GPX4: variants seen among roughly 807,000 people sequenced by gnomAD.
GPX4 encodes the protein phospholipid hydroperoxide glutathione peroxidase GPX4.
A neutral mutation model predicts 27.8 loss-of-function variants in GPX4; 28 were observed. The ratio of observed to expected loss-of-function variants is 1.01; its 90% CI spans 0.75 to 1.38. The LOEUF (loss-of-function observed/expected upper bound fraction) is 1.38. GPX4 is among the 40% of genes most tolerant of loss of function. GPX4 has a pLI of 0.00. For missense variants in GPX4, 357 were observed against 274.1 expected, an observed-to-expected ratio of 1.30 and a Z score of -2.14; for synonymous variants, 163 against 107.8, an observed-to-expected ratio of 1.51 and a Z score of -3.17.
In GPX4 at chr19:1,106,238, C is replaced by G. The variant is rs1158593427; in HGVS notation, c.477-4C>G. ...ACGCTCACGTCCATGTGCTTCTTTT[C>G]CAGTGCCATCAAGTGGAACTTCACC... On this transcript the variant is annotated splice_region_variant and splice_polypyrimidine_tract_variant and intron_variant, in intron 4 of 6. Transcript: ENST00000354171. The G allele has an allele frequency of 6.2e-7, 1 of 1,605,538 alleles. No homozygotes were observed.
intron 1 of GPX4, chr19:1,104,870 A>C (rs2079628980): frequency 4.1e-6 from 5 of 1,232,540 alleles, no homozygotes; most frequent in East Asian, 4.2e-5. Flanking sequence ...CCGGCGGAAG[A>C]AGCCCTGTCC....
chr19:1,104,762 G>A (rs1375701029), intron 1 of GPX4: 2 of 986,594 alleles, frequency 2.0e-6, no homozygotes, highest in Non-Finnish European at 2.4e-6. Flanking sequence ...AGGCTCCCCC[G>A]GGCGCCGCAG....
In GPX4 at chr19:1,104,111, G is replaced by A; in HGVS notation, c.68G>A (p.Gly23Asp). ...CTCTGTGGGGCTCTGGCCGCGCCTG[G>A]CCTGGCCGGGACCATGGTGAGCTAG... ...ALLCGALAAP[G>D]LAGTMCASRD... The change falls in exon 1 of 7, where the codon GGC becomes GAC. Residue 23 changes from glycine (G) to aspartate (D), a missense_variant. Transcript: ENST00000354171. 6.7e-7 allele frequency: 1 copy of A among 1,503,706 alleles called. No individual in the cohort carries two copies. The highest frequency in any genetic ancestry group is 8.8e-7 in the Non-Finnish European group (1 of 1,133,360). 93.1% of individuals were successfully genotyped at this position (1,503,706 alleles called of 1,614,324 possible). A position where few individuals can be genotyped will look rare whatever the true frequency, so the allele number is the denominator to read the frequency against.
At position 1,104,130 on chromosome 19, in the gene GPX4, G is replaced by T; in HGVS notation, c.84+3G>T. On this transcript the variant is annotated splice_donor_region_variant and intron_variant, in intron 1 of 6. Transcript: ENST00000354171. ...CGCCTGGCCTGGCCGGGACCATGGT[G>T]AGCTAGCGCCGCGGCCGTTGCCGGC... The T allele has an allele frequency of 6.8e-7, 1 of 1,461,812 alleles. No homozygotes were observed. The allele number at this position is 1,461,812 out of a possible 1,614,324, so 90.6% of individuals were successfully genotyped here.
At chr19:1,104,206 G>A in intron 1 of GPX4, 79 bp downstream of exon 1, 1 of 1,248,494 alleles carries the variant, frequency 8.0e-7, no homozygotes, top group South Asian at 1.8e-5. Context: ...TCGCCGGCGT[G>A]GGGAACCCTC....
rs1568536436 is a variant in GPX4 at position 1,106,229 on chromosome 19, GCTT to G, written c.477-9_477-7del. The stretch of plus-strand genomic sequence containing the variant: ...CTGCTGGGGACGCTCACGTCCATGT[GCTT>G]CTTTTCCAGTGCCATCAAGTGGAAC... On this transcript the variant is annotated splice_polypyrimidine_tract_variant and intron_variant, in intron 4 of 6. Transcript: ENST00000354171. 1.2e-6 allele frequency: 2 copies of G among 1,603,580 alleles called. No individual in the cohort carries two copies. Among genetic ancestry groups the G allele is most frequent in the Admixed American group, 3.4e-5 (2 of 59,492 alleles).
At chr19:1,106,345 C>A in intron 5 of GPX4, 55 bp from the exon 6 acceptor site, 1 of 1,610,610 alleles carries the variant, frequency 6.2e-7, no homozygotes, top group South Asian at 1.1e-5. Context: ...ACAGGAAGGG[C>A]AGCCTCAGCC....
rs1473540458 is a variant in GPX4 at position 1,106,111 on chromosome 19, G to A, written c.477-131G>A. ...CCTCCTGGGGTAAGATGGCTCTGGG[G>A]GGGCTTGGGGGCACTGTGGCTGTGG... is the stretch of plus-strand genomic sequence containing the variant. On this transcript the variant is annotated intron_variant, in intron 4 of 6. Coordinates refer to ENST00000354171, the MANE Select transcript of GPX4 (RefSeq NM_002085.5). 5.8e-6 allele frequency: 5 copies of A among 866,552 alleles called. 1 individual carries two copies. The highest frequency in any genetic ancestry group is 5.1e-5 in the South Asian group (3 of 59,172). The allele number at this position is 866,552 out of a possible 1,614,324, so 53.7% of individuals were successfully genotyped here.
Position 1,104,104 on chromosome 19 carries a change from G to C in GPX4, c.61G>C (p.Ala21Pro). The change falls in exon 1 of 7, where the codon GCG becomes CCG. Residue 21 changes from alanine to proline, a missense_variant. Transcript: ENST00000354171. Reference sequence around the variant, plus strand: ...GGCGCTGCTCTGTGGGGCTCTGGCCGCGCCTGGCCTGGCCGGGACCATGGT... The same window carrying C: ...GGCGCTGCTCTGTGGGGCTCTGGCCCCGCCTGGCCTGGCCGGGACCATGGT... Reference protein sequence around the residue: ...KPALLCGALAAPGLAGTMCAS... With the variant: ...KPALLCGALAPPGLAGTMCAS... 6.6e-7 allele frequency: 1 copy of C among 1,505,736 alleles called. No homozygotes were observed. The highest frequency in any genetic ancestry group is 2.3e-4 in the Middle Eastern group (1 of 4,294). 93.3% of individuals were successfully genotyped at this position (1,505,736 alleles called of 1,614,324 possible). A position where few individuals can be genotyped will look rare whatever the true frequency, so the allele number is the denominator to read the frequency against.
Position 1,105,215 on chromosome 19 carries a change from G to T in GPX4, c.114G>T (p.Ala38=). The T allele has an allele frequency of 6.2e-7, 1 of 1,613,006 alleles. No homozygotes were observed. The highest frequency in any genetic ancestry group is 8.5e-7 in the Non-Finnish European group (1 of 1,179,880). Residue 38 remains alanine, a synonymous_variant, in exon 2 of 7, where the codon GCG becomes GCT. Coordinates refer to ENST00000354171, the MANE Select transcript of GPX4 (RefSeq NM_002085.5). ...MCASRDDWRC[A]RSMHEFSAKD... is the part of the protein sequence containing the mutation. ...CGTCCCGGGACGACTGGCGCTGTGC[G>T]CGCTCCATGCACGAGTTTTCCGCCA...
At position 1,104,060 on chromosome 19, in the gene GPX4, T is replaced by G; in HGVS notation, c.17T>G (p.Leu6Arg). MSLGR[L>R]CRLLKPALLC... Reference sequence around the variant, plus strand: ...CCCGCCGCGATGAGCCTCGGCCGCCTTTGCCGCCTACTGAAGCCGGCGCTG... The same window carrying G: ...CCCGCCGCGATGAGCCTCGGCCGCCGTTGCCGCCTACTGAAGCCGGCGCTG... The change falls in exon 1 of 7, where the codon CTT becomes CGT. Residue 6 changes from leucine to arginine, a missense_variant. By Grantham distance (102) the Leu-to-Arg change is moderately radical. Coordinates refer to ENST00000354171, the MANE Select transcript of GPX4 (RefSeq NM_002085.5). 1 of 1,519,416 alleles carries G rather than the reference T, an allele frequency of 6.6e-7. No homozygotes were observed. Among genetic ancestry groups the G allele is most frequent in the East Asian group, 2.6e-5 (1 of 38,550 alleles). 94.1% of individuals were successfully genotyped at this position (1,519,416 alleles called of 1,614,324 possible). A position where few individuals can be genotyped will look rare whatever the true frequency, so the allele number is the denominator to read the frequency against.
chr19:1,106,647 G>A lies in GPX4; in HGVS notation c.*75G>A, dbSNP rs755509750. 5.6e-6 allele frequency: 9 copies of A among 1,595,156 alleles called. No homozygotes were observed. Among genetic ancestry groups the A allele is most frequent in the Middle Eastern group, 1.7e-4 (1 of 6,028 alleles). ...CTTCCACCGGCACTCATGACGGCCT[G>A]CCTGCAAACCTGCTGGTGGGGCAGA... is the stretch of plus-strand genomic sequence containing the variant. On this transcript the variant is annotated 3_prime_UTR_variant, in exon 7 of 7. Transcript: ENST00000354171.
intron 4 of GPX4, 30 bp from the exon 5 acceptor site, chr19:1,106,212 G>T (rs1314447113): frequency 1.9e-6 from 3 of 1,586,130 alleles, no homozygotes; most frequent in African/African-American, 2.7e-5. Flanking sequence ...GGCTGCTGGG[G>T]ACGCTCACGT....
chr19:1,104,877 G>A, intron 1 of GPX4: 2 of 1,293,192 alleles, frequency 1.5e-6, no homozygotes, highest in East Asian at 7.3e-5. Context: ...AAGAAGCCCT[G>A]TCCCCGCAGC....
At chr19:1,104,786 A>C (rs2079627785) in intron 1 of GPX4, 11 of 990,276 alleles carry the variant, frequency 1.1e-5, no homozygotes, top group Non-Finnish European at 1.2e-5. Context: ...GCGGTGCCAG[A>C]GCCGGGGCAG....
At position 1,106,423 on chromosome 19, in the gene GPX4, C is replaced by T. The variant is rs766841959; in HGVS notation, c.525C>T (p.Cys175=). ...AGTTCCTCATCGACAAGAACGGCTG[C>T]GTGGTGAAGCGCTACGGACCCATGG... The part of the protein sequence containing the change: ...FTKFLIDKNG[C]VVKRYGPMEE... The change falls in exon 6 of 7, where the codon TGC becomes TGT. Residue 175 remains cysteine, a synonymous_variant. Coordinates refer to ENST00000354171, the MANE Select transcript of GPX4 (RefSeq NM_002085.5). The T allele has an allele frequency of 8.7e-6, 14 of 1,613,294 alleles. No homozygotes were observed. Among genetic ancestry groups the T allele is most frequent in the South Asian group, 3.3e-5 (3 of 91,088 alleles).
intron 1 of GPX4, 113 bp from the exon 2 acceptor site, chr19:1,105,073 G>A: frequency 6.7e-7 from 1 of 1,487,014 alleles, no homozygotes; most frequent in South Asian, 1.2e-5. Context: ...GGTCTTCAGG[G>A]CCGCAGGGCC....
chr19:1,106,600 C>A lies in GPX4; in HGVS notation c.*28C>A, dbSNP rs750709533. The A allele has an allele frequency of 1.9e-6, 3 of 1,612,876 alleles. No individual in the cohort carries two copies. The highest frequency in any genetic ancestry group is 2.5e-6 in the Non-Finnish European group (3 of 1,179,636). On this transcript the variant is annotated 3_prime_UTR_variant, in exon 7 of 7. Transcript: ENST00000354171. ...CCACAAGTGTGTGGCCCCGCCCGAG[C>A]CCCTGCCCACGCCCTTGGAGCCTTC...
intron 1 of GPX4, chr19:1,104,870 A>G: frequency 8.1e-7 from 1 of 1,232,656 alleles, no homozygotes; most frequent in Non-Finnish European, 1.0e-6. Context: ...CCGGCGGAAG[A>G]AGCCCTGTCC....
Sources: allele counts gnomAD v4.1 joint callset, GRCh38; gene constraint gnomAD v4.1.1; transcripts MANE v1.5; gene names NCBI Gene and HGNC (gene_info 2026-07-23, HGNC 2026-07-21).